PYGB: variants seen among roughly 807,000 people sequenced by gnomAD.
The protein encoded by PYGB is glycogen phosphorylase B, also known as glycogen phosphorylase, brain form.
PYGB carries 82 observed loss-of-function variants against 94.3 expected under a neutral mutation model. The observed-to-expected ratio is 0.87, with a 90% CI of 0.73 to 1.04. The LOEUF is 1.04. PYGB is among the 50% of genes least tolerant of loss of function. The pLI, the probability that PYGB is intolerant of heterozygous loss-of-function variation, is 0.00. For missense variants in PYGB, 1,132 were observed against 1,158.2 expected (o/e 0.98, Z 0.33); for synonymous variants, 488 against 479.1 (o/e 1.02, Z -0.24).
chr20:25,288,150 T>G, intron 14 of PYGB: 1 of 580,698 alleles, frequency 1.7e-6, no homozygotes, highest in Non-Finnish European at 3.1e-6. Context: ...AGCTGCTGGG[T>G]TCGTCCATGG....
At chr20:25,269,553 C>T (rs1374237072) in intron 3 of PYGB, among the ~76,000 whole-genome samples, 1 of 152,158 alleles carries the variant, frequency 6.6e-6, no homozygotes, top group Non-Finnish European at 1.5e-5. Flanking sequence ...CTGAACGTGG[C>T]CCTGCTTGCA....
intron 17 of PYGB, chr20:25,293,896 TCTG>T (rs3841696): frequency 0.047 from 24,172 of 514,820 alleles, 632 homozygotes; most frequent in Middle Eastern, 0.078. Flanking sequence ...TCCTAGCAGA[TCTG>T]CTAGTGATGA....
intron 17 of PYGB, 135 bp downstream of exon 17, chr20:25,292,748 G>A: frequency 5.0e-6 from 6 of 1,191,438 alleles, no homozygotes; most frequent in Non-Finnish European, 6.9e-6. Context: ...CCAGGGCTGT[G>A]TGCCTGCCTG....
chr20:25,261,547 G>A (rs1320359525), intron 2 of PYGB, among the ~76,000 whole-genome samples: 1 of 152,232 alleles, frequency 6.6e-6, no homozygotes, highest in Non-Finnish European at 1.5e-5. Flanking sequence ...GAGCAGAAAA[G>A]CTGAAAATTC....
chr20:25,278,374 C>T lies in PYGB; in HGVS notation c.911C>T (p.Thr304Met), dbSNP rs997828104. The T allele has an allele frequency of 1.7e-5, 28 of 1,606,924 alleles. No individual in the cohort carries two copies. Among genetic ancestry groups the T allele is most frequent in the Admixed American group, 3.4e-5 (2 of 59,442 alleles). Residue 304 changes from threonine to methionine, a missense_variant, in exon 8 of 20, where the codon ACG (threonine) becomes ATG (methionine). Coordinates refer to ENST00000216962, the MANE Select transcript of PYGB (RefSeq NM_002862.4). ...CAGGAGTACTTCGTGGTGGCCGCCA[C>T]GCTCCAGGACATCATCCGCCGCTTC... Reference protein sequence around the residue: ...LKQEYFVVAATLQDIIRRFKS... With the variant: ...LKQEYFVVAAMLQDIIRRFKS...
At chr20:25,277,204 G>C in intron 6 of PYGB, 40 bp from the exon 7 acceptor site, 1 of 1,482,852 alleles carries the variant, frequency 6.7e-7, no homozygotes, top group Non-Finnish European at 9.4e-7. Flanking sequence ...GCTGGTGCCA[G>C]GAGGCATGTG....
chr20:25,297,687 C>T lies in PYGB; in HGVS notation c.*1165C>T, dbSNP rs905487196. 4 of 152,306 alleles carry T rather than the reference C, an allele frequency of 2.6e-5. No individual in the cohort carries two copies. The highest frequency in any genetic ancestry group is 9.6e-5 in the African/African-American group (4 of 41,472). The allele number at this position is 152,306 out of a possible 1,614,324, so 9.4% of individuals were successfully genotyped here. A position where few individuals can be genotyped will look rare whatever the true frequency, so the allele number is the denominator to read the frequency against. The stretch of plus-strand genomic sequence containing the variant: ...GCAGGGAACAGGCTACTGTCCTTCC[C>T]TGTGGAATTGCCGAGAAATCTAGCA... On this transcript the variant is annotated 3_prime_UTR_variant, in exon 20 of 20. Coordinates refer to ENST00000216962, the MANE Select transcript of PYGB (RefSeq NM_002862.4).
At chr20:25,257,485 T>C (rs1457677574) in intron 1 of PYGB, among the ~76,000 whole-genome samples, 1 of 152,210 alleles carries the variant, frequency 6.6e-6, no homozygotes, top group African/African-American at 2.4e-5. Context: ...GTAGAAAAGT[T>C]CTAAGTAGAA....
intron 2 of PYGB, among the ~76,000 whole-genome samples, chr20:25,266,860 T>C (rs1352319927): frequency 6.6e-6 from 1 of 152,038 alleles, no homozygotes; most frequent in Non-Finnish European, 1.5e-5. Context: ...AGAGAACAAG[T>C]GTTGGTGAGG....
chr20:25,296,728 G>A lies in PYGB; in HGVS notation c.*206G>A, dbSNP rs1207786068. The A allele has an allele frequency of 1.5e-6, 1 of 684,342 alleles. No individual in the cohort carries two copies. The highest frequency in any genetic ancestry group is 2.4e-6 in the Non-Finnish European group (1 of 425,352). The allele number at this position is 684,342 out of a possible 1,614,324, so 42.4% of individuals were successfully genotyped here. A position where few individuals can be genotyped will look rare whatever the true frequency, so the allele number is the denominator to read the frequency against. Reference sequence around the variant, plus strand: ...AGAAGTGCTCCTAGTTTCTTGTAAAGGAAGCCAGAGTTGACAGTACAAAGG... The same window carrying A: ...AGAAGTGCTCCTAGTTTCTTGTAAAAGAAGCCAGAGTTGACAGTACAAAGG... On this transcript the variant is annotated 3_prime_UTR_variant, in exon 20 of 20. Coordinates refer to ENST00000216962, the MANE Select transcript of PYGB (RefSeq NM_002862.4).
chr20:25,291,747 G>C lies in PYGB; in HGVS notation c.1970-659G>C, dbSNP rs572591958. Among the ~76,000 whole-genome samples, 11 of 152,220 alleles carry C rather than the reference G, an allele frequency of 7.2e-5. No individual in the cohort carries two copies. The East Asian group carries it at 2.1e-3, about 30-fold the overall frequency. On this transcript the variant is annotated intron_variant, in intron 16 of 19. Transcript: ENST00000216962. The stretch of plus-strand genomic sequence containing the variant: ...TTTAGAGCAGGCCTTCAGGCACCTG[G>C]TCTGGAGTCTCGGTGCTGGCGTCAG...
Position 25,292,395 on chromosome 20 carries a change from C to A in PYGB, c.1970-11C>A. 1.9e-6 allele frequency: 3 copies of A among 1,612,212 alleles called. No individual in the cohort carries two copies. The highest frequency in any genetic ancestry group is 2.5e-6 in the Non-Finnish European group (3 of 1,179,894). Reference sequence around the variant, plus strand: ...CTCACAGTGATCCCCTCCACGGGCTCCCCTCCACAGTGATCCCGGCCGCTG... The same window carrying A: ...CTCACAGTGATCCCCTCCACGGGCTACCCTCCACAGTGATCCCGGCCGCTG... On this transcript the variant is annotated splice_polypyrimidine_tract_variant and intron_variant, in intron 16 of 19. Coordinates refer to ENST00000216962, the MANE Select transcript of PYGB (RefSeq NM_002862.4).
chr20:25,289,928 C>G (rs2474775), intron 15 of PYGB: 1 of 533,538 alleles, frequency 1.9e-6, no homozygotes, highest in South Asian at 1.4e-5. Flanking sequence ...AATGTTCACT[C>G]GGGTACTTCA....
chr20:25,275,391 C>T (rs1031312815), intron 5 of PYGB, among the ~76,000 whole-genome samples: 4 of 152,178 alleles, frequency 2.6e-5, no homozygotes, highest in Non-Finnish European at 5.9e-5. Flanking sequence ...ATGACTGGGG[C>T]AGGGCAGGGG....
At position 25,296,506 on chromosome 20, in the gene PYGB, A is replaced by G. The variant is rs766438931; in HGVS notation, c.2516A>G (p.Asn839Ser). ...TCCGACCTGCAGATCCCGCCCCCCA[A>G]CATCCCCCGGGACTAGGCACACCCT... is the stretch of plus-strand genomic sequence containing the variant. ...EPSDLQIPPPNIPRD is the reference protein window; with the variant it reads ...EPSDLQIPPPSIPRD Residue 839 changes from asparagine to serine, a missense_variant, in exon 20 of 20, where the codon AAC becomes AGC. Transcript: ENST00000216962. 8 of 1,613,400 alleles carry G rather than the reference A, an allele frequency of 5.0e-6. No homozygotes were observed. In the South Asian group the frequency reaches 6.6e-5, roughly 13 times the overall value.
At chr20:25,287,681 A>C (rs115019111) in intron 14 of PYGB, among the ~76,000 whole-genome samples, 2,344 of 151,344 alleles carry the variant, frequency 0.015, 59 homozygotes, top group African/African-American at 0.054. Context: ...AACAAAAAAA[A>C]CCCAAGAGTG....
rs2088458301 is a variant in PYGB at position 25,290,642 on chromosome 20, T to C, written c.1969+20T>C. The C allele has an allele frequency of 6.3e-7, 1 of 1,589,016 alleles. No homozygotes were observed. ...AGAAAGGTAACCCTGGAAGCCTGTG[T>C]TGGACAGAAAACTCACTCCTGCCGG... On this transcript the variant is annotated intron_variant, in intron 16 of 19. Coordinates refer to ENST00000216962, the MANE Select transcript of PYGB (RefSeq NM_002862.4).
chr20:25,295,678 T>G lies in PYGB; in HGVS notation c.2379+8T>G. On this transcript the variant is annotated splice_region_variant and intron_variant, in intron 19 of 19. Transcript: ENST00000216962. ...GTGGACCAGCTGTACCGGGTGAGGC[T>G]CCTGGGTCCAGAGGCTAGGGGAGCA... 1 of 1,611,800 alleles carries G rather than the reference T, an allele frequency of 6.2e-7. No homozygotes were observed. The highest frequency in any genetic ancestry group is 8.5e-7 in the Non-Finnish European group (1 of 1,177,976).
Position 25,296,233 on chromosome 20 carries a change from T to C in PYGB, c.2380-137T>C, listed in dbSNP as rs556823900. 1.2e-5 allele frequency: 13 copies of C among 1,064,046 alleles called. No individual in the cohort carries two copies. In the South Asian group the frequency reaches 1.8e-4, roughly 14 times the overall value. 65.9% of individuals were successfully genotyped at this position (1,064,046 alleles called of 1,614,324 possible). On this transcript the variant is annotated intron_variant, in intron 19 of 19. Transcript: ENST00000216962. ...CCCCTTTTCAACGAACAAGTGATTG[T>C]AATGTCCTCCTCTTCCAGCGGATGG...
Sources: gnomAD v4.1 joint callset for allele counts (sites outside exome capture counted in the v4.1 genomes callset) on GRCh38, gnomAD v4.1.1 for gene constraint, MANE v1.5 for transcripts, NCBI Gene and HGNC (gene_info 2026-07-23, HGNC 2026-07-21) for gene names.